SHISA6: variants seen among roughly 807,000 people sequenced by gnomAD.
SHISA6 encodes the protein protein shisa-6.
A neutral mutation model predicts 47.9 loss-of-function variants in SHISA6; 22 were observed. The ratio of observed to expected loss-of-function variants is 0.46; its 90% confidence interval spans 0.33 to 0.66. The LOEUF (loss-of-function observed/expected upper bound fraction) is 0.66. Among genes scored for constraint, SHISA6 ranks in the 30% least tolerant of loss-of-function variants. SHISA6 has a pLI of 0.02. For synonymous variants in SHISA6, 388 were observed against 337.8 expected (o/e 1.15, Z -1.63); for missense variants, 680 against 764.6 (o/e 0.89, Z 1.30).
chr17:11,542,100 T>C (rs1158980061), intron 3 of SHISA6, among the ~76,000 whole-genome samples: 1 of 152,162 alleles, frequency 6.6e-6, no homozygotes. Context: ...TGCCCAGAGC[T>C]GCTCCACCCT....
At chr17:11,396,748 G>T (rs900079339) in intron 3 of SHISA6, among the ~76,000 whole-genome samples, 2 of 152,146 alleles carry the variant, frequency 1.3e-5, no homozygotes, top group Non-Finnish European at 2.9e-5. Flanking sequence ...GTTGGGGGTT[G>T]GGGGGCAAGG....
At chr17:11,325,931 A>G (rs1910869648) in intron 2 of SHISA6, among the ~76,000 whole-genome samples, 2 of 152,202 alleles carry the variant, frequency 1.3e-5, no homozygotes, top group South Asian at 4.1e-4. Flanking sequence ...CTTGACCCCA[A>G]AAGACTTGTT....
chr17:11,553,335 G>C (rs1414600945), intron 4 of SHISA6, among the ~76,000 whole-genome samples: 1 of 152,166 alleles, frequency 6.6e-6, no homozygotes, highest in Admixed American at 6.5e-5. Flanking sequence ...GCCTCAGGAA[G>C]AGCCAGAAAA....
At chr17:11,499,683 CTTTTTTT>C (rs372464937) in intron 3 of SHISA6, among the ~76,000 whole-genome samples, 2 of 127,564 alleles carry the variant, frequency 1.6e-5, no homozygotes, top group Admixed American at 7.9e-5. Context: ...CTTTTTCTTT[CTTTTTTT>C]TTTTTTTTTT....
chr17:11,423,899 T>C (rs913394040), intron 3 of SHISA6, among the ~76,000 whole-genome samples: 4 of 151,222 alleles, frequency 2.6e-5, no homozygotes, highest in Non-Finnish European at 5.9e-5. Context: ...ATGGGAAAAG[T>C]AGTAAATAAA....
chr17:11,250,680 A>G (rs1907767508), intron 1 of SHISA6, among the ~76,000 whole-genome samples: 1 of 152,164 alleles, frequency 6.6e-6, no homozygotes, highest in South Asian at 2.1e-4. Flanking sequence ...TCTGGTCCTG[A>G]TGACCCTCTA....
chr17:11,435,505 C>T (rs1044922089), intron 3 of SHISA6, among the ~76,000 whole-genome samples: 16 of 152,064 alleles, frequency 1.1e-4, no homozygotes, highest in African/African-American at 3.6e-4. Flanking sequence ...GAGGACATAA[C>T]TTGAAACCTG....
In SHISA6 at chr17:11,350,182, A is replaced by ATTT. The variant is rs778331945; in HGVS notation, c.800-29219_800-29217dup. On this transcript the variant is annotated intron_variant, in intron 2 of 5. Coordinates refer to ENST00000441885, the MANE Select transcript of SHISA6 (RefSeq NM_207386.4). ...AATTTATTTATTTATTTATTTATTT[A>ATTT]TTTTTTTTTTTTTTTGAGACGGAGT... Among the ~76,000 whole-genome samples, 251 of 116,254 alleles carry ATTT rather than the reference A, an allele frequency of 2.2e-3. 4 individuals are homozygous for ATTT. The highest frequency in any genetic ancestry group is 4.5e-3 in the Middle Eastern group (1 of 222). The allele number at this position is 116,254 out of a possible 152,430, so 76.3% of individuals were successfully genotyped here. A position where few individuals can be genotyped will look rare whatever the true frequency, so the allele number is the denominator to read the frequency against.
At chr17:11,453,010 A>G in intron 3 of SHISA6, among the ~76,000 whole-genome samples, 1 of 144,968 alleles carries the variant, frequency 6.9e-6, no homozygotes, top group Non-Finnish European at 1.5e-5. Context: ...CCCACCCTCA[A>G]TCCGGATCCA....
At chr17:11,525,233 C>T (rs930368871) in intron 3 of SHISA6, among the ~76,000 whole-genome samples, 1 of 152,132 alleles carries the variant, frequency 6.6e-6, no homozygotes. Flanking sequence ...ATGGAATCTT[C>T]TCAGTTATAC....
chr17:11,501,697 C>CAG (rs754641140), intron 3 of SHISA6, among the ~76,000 whole-genome samples: 46 of 150,502 alleles, frequency 3.1e-4, no homozygotes, highest in African/African-American at 1.0e-3. Flanking sequence ...ACAGAGAAGA[C>CAG]AGAGAGAGAG....
At chr17:11,271,996 G>A (rs192731183) in intron 2 of SHISA6, among the ~76,000 whole-genome samples, 8 of 151,642 alleles carry the variant, frequency 5.3e-5, no homozygotes, top group Admixed American at 1.3e-4. Context: ...TTCTCTCCCC[G>A]ACAGCCAAAC....
intron 3 of SHISA6, among the ~76,000 whole-genome samples, chr17:11,481,364 G>GTATATATATATATATATATA (rs747477268): frequency 1.5e-5 from 2 of 134,424 alleles, no homozygotes; most frequent in African/African-American, 5.8e-5. Flanking sequence ...GTGTGTGTGT[G>GTATATATATATATATATATA]TGTATATATA....
intron 3 of SHISA6, among the ~76,000 whole-genome samples, chr17:11,468,174 C>T (rs568036848): frequency 6.6e-6 from 1 of 152,036 alleles, no homozygotes; most frequent in Non-Finnish European, 1.5e-5. Context: ...GCCCATTCCA[C>T]CCCCCAGGCC....
chr17:11,549,861 A>G (rs568923651), intron 3 of SHISA6, among the ~76,000 whole-genome samples: 1 of 152,332 alleles, frequency 6.6e-6, no homozygotes, highest in South Asian at 2.1e-4. Flanking sequence ...GAGGACAAGC[A>G]AGAAAAAATG....
chr17:11,487,723 C>T (rs1431413603), intron 3 of SHISA6, among the ~76,000 whole-genome samples: 1 of 152,168 alleles, frequency 6.6e-6, no homozygotes, highest in Non-Finnish European at 1.5e-5. Flanking sequence ...TGTAAATATC[C>T]TCTCCAGTCT....
At chr17:11,343,575 T>G (rs1018388660) in intron 2 of SHISA6, among the ~76,000 whole-genome samples, 5 of 152,180 alleles carry the variant, frequency 3.3e-5, no homozygotes, top group African/African-American at 1.2e-4. Context: ...GATGCTGAAC[T>G]GGGGGGCGTT....
chr17:11,303,269 GTA>G (rs939759467), intron 2 of SHISA6, among the ~76,000 whole-genome samples: 2 of 145,136 alleles, frequency 1.4e-5, no homozygotes, highest in African/African-American at 5.7e-5. Flanking sequence ...GTGGTTGTGA[GTA>G]TGTGTGTGGT....
At chr17:11,251,853 C>T (rs1907823685) in intron 1 of SHISA6, among the ~76,000 whole-genome samples, 1 of 152,118 alleles carries the variant, frequency 6.6e-6, no homozygotes, top group Non-Finnish European at 1.5e-5. Flanking sequence ...TCTTAATAGC[C>T]TGTGTTTTAC....
Sources: allele counts gnomAD v4.1 joint callset (sites outside exome capture counted in the v4.1 genomes callset), GRCh38; gene constraint gnomAD v4.1.1; transcripts MANE v1.5; gene names NCBI Gene and HGNC (gene_info 2026-07-23, HGNC 2026-07-21).